SLC7A5: variants seen among roughly 807,000 people sequenced by gnomAD.
SLC7A5 encodes solute carrier family 7 member 5.
In SLC7A5, 23 loss-of-function variants were observed where a neutral mutation model predicts 50.2. That is an observed-to-expected ratio of 0.46 (90% confidence interval 0.33 to 0.65). SLC7A5 has a LOEUF of 0.65. Ranked by LOEUF, SLC7A5 falls within the 30% of genes least tolerant of loss-of-function variation. The pLI, the probability that SLC7A5 is intolerant of heterozygous loss-of-function variation, is 0.02. For synonymous variants in SLC7A5, 393 were observed against 330.6 expected (o/e 1.19, Z -2.05); for missense variants, 578 against 684.4 (o/e 0.84, Z 1.73).
intron 2 of SLC7A5, among the ~76,000 whole-genome samples, chr16:87,850,385 C>G (rs1438203050): frequency 6.6e-6 from 1 of 152,186 alleles, no homozygotes; most frequent in African/African-American, 2.4e-5. Context: ...GACCTTCCTG[C>G]CTCTAGGAGC....
chr16:87,867,463 G>T (rs192482845), intron 1 of SLC7A5, among the ~76,000 whole-genome samples: 2 of 152,104 alleles, frequency 1.3e-5, no homozygotes, highest in Non-Finnish European at 2.9e-5. Context: ...ATGGTGGTGC[G>T]GCTGCTCGAC....
chr16:87,857,826 T>G (rs2055340407), intron 1 of SLC7A5, among the ~76,000 whole-genome samples: 1 of 152,232 alleles, frequency 6.6e-6, no homozygotes, highest in African/African-American at 2.4e-5. Flanking sequence ...TTTTTTCCAT[T>G]TTTAACCGGG....
chr16:87,834,381 G>T, intron 9 of SLC7A5, 33 bp downstream of exon 9: 1 of 1,548,708 alleles, frequency 6.5e-7, no homozygotes. Context: ...AGGGCAGAGG[G>T]TACCACGGGC....
At chr16:87,851,907 T>G (rs960374805) in intron 1 of SLC7A5, 58 bp from the exon 2 acceptor site, 2 of 1,609,312 alleles carry the variant, frequency 1.2e-6, no homozygotes, top group African/African-American at 1.3e-5. Flanking sequence ...AGCTCAGGGG[T>G]AGGCTGGGAG....
In SLC7A5 at chr16:87,852,109, C is replaced by A. The variant is rs1043895022; in HGVS notation, c.539-260G>T. ...AAGATCTGCAAGGGACCTTTCCTCA[C>A]CCCCCACCACACCAGGCCATGGAGT... On this transcript the variant is annotated intron_variant, in intron 1 of 9. Coordinates refer to ENST00000261622, the MANE Select transcript of SLC7A5 (RefSeq NM_003486.7). This position sits in a 1 kb window ranked among gnomAD's most constrained non-coding sequence, Gnocchi z 4.5. 6.6e-6 allele frequency among the ~76,000 whole-genome samples: 1 copy of A among 152,164 alleles called. No individual in the cohort carries two copies. The highest frequency in any genetic ancestry group is 6.5e-5 in the Admixed American group (1 of 15,278).
At chr16:87,854,907 C>T (rs1277312656) in intron 1 of SLC7A5, among the ~76,000 whole-genome samples, 1 of 152,222 alleles carries the variant, frequency 6.6e-6, no homozygotes, top group Non-Finnish European at 1.5e-5. Context: ...TCACCTGTGT[C>T]TCCACCACCC....
intron 8 of SLC7A5, 94 bp from the exon 9 acceptor site, chr16:87,834,685 C>A (rs1224951977): frequency 7.6e-7 from 1 of 1,308,490 alleles, no homozygotes. Flanking sequence ...GCCCTCCACA[C>A]CCACGGCTGC....
At chr16:87,834,325 C>T in intron 9 of SLC7A5, 89 bp downstream of exon 9, 1 of 1,317,980 alleles carries the variant, frequency 7.6e-7, no homozygotes, top group Non-Finnish European at 1.1e-6. Flanking sequence ...CGCTTCGCCC[C>T]ATGTGGGTGG....
intron 2 of SLC7A5, among the ~76,000 whole-genome samples, chr16:87,844,346 G>A (rs74039970): frequency 0.041 from 6,261 of 152,228 alleles, 428 homozygotes; most frequent in African/African-American, 0.14. Context: ...GGGTAATTGC[G>A]GTGGGAACGA....
At chr16:87,864,779 C>G (rs538230649) in intron 1 of SLC7A5, among the ~76,000 whole-genome samples, 8 of 152,318 alleles carry the variant, frequency 5.3e-5, no homozygotes, top group East Asian at 1.9e-4. Flanking sequence ...CTAACAAAAG[C>G]TTGAGTCAAC....
intron 1 of SLC7A5, among the ~76,000 whole-genome samples, chr16:87,865,651 G>C (rs527989738): frequency 9.9e-5 from 15 of 152,248 alleles, no homozygotes; most frequent in Middle Eastern, 3.4e-3. Context: ...AGGTTGTAGT[G>C]AGCCAAGATC....
rs1308645829 is a variant in SLC7A5, at chr16:87,861,151, GC to G, written c.538+7733del. Reference sequence around the variant, plus strand: ...CCTGCAGACGGGCCAGGCAAGGCCTGCCCATGGCCAGCTATCCAGGTGATGC... The same window carrying G: ...CCTGCAGACGGGCCAGGCAAGGCCTGCCATGGCCAGCTATCCAGGTGATGC... On this transcript the variant is annotated intron_variant, in intron 1 of 9. Transcript: ENST00000261622. This position sits in a 1 kb window ranked among gnomAD's most constrained non-coding sequence, Gnocchi z 4.2. Among the ~76,000 whole-genome samples, 1 of 152,222 alleles carries G rather than the reference GC, an allele frequency of 6.6e-6. No individual in the cohort carries two copies. Among genetic ancestry groups the G allele is most frequent in the Non-Finnish European group, 1.5e-5 (1 of 68,026 alleles).
chr16:87,865,762 C>T (rs1270861766), intron 1 of SLC7A5, among the ~76,000 whole-genome samples: 2 of 152,106 alleles, frequency 1.3e-5, no homozygotes, highest in East Asian at 3.9e-4. Context: ...CCTATTACCA[C>T]AAAATAAATC....
At chr16:87,859,031 G>C (rs559052965) in intron 1 of SLC7A5, among the ~76,000 whole-genome samples, 1 of 152,220 alleles carries the variant, frequency 6.6e-6, no homozygotes, top group Non-Finnish European at 1.5e-5. Flanking sequence ...AGGGGCTCCT[G>C]CCCTGCCCTC....
chr16:87,862,914 C>T lies in SLC7A5; in HGVS notation c.538+5971G>A, dbSNP rs1369463340. On this transcript the variant is annotated intron_variant, in intron 1 of 9. Coordinates refer to ENST00000261622, the MANE Select transcript of SLC7A5 (RefSeq NM_003486.7). The surrounding 1 kb of genome is among the most constrained non-coding windows in gnomAD (Gnocchi z 5.3). Reference sequence around the variant, plus strand: ...ACAGCCATGGGGAGGAGAGCCACCTCACTCCAGGGACCCTGGCACCGTCTC... The same window carrying T: ...ACAGCCATGGGGAGGAGAGCCACCTTACTCCAGGGACCCTGGCACCGTCTC... Among the ~76,000 whole-genome samples, 1 of 152,232 alleles carries T rather than the reference C, an allele frequency of 6.6e-6. No homozygotes were observed. Among genetic ancestry groups the T allele is most frequent in the Non-Finnish European group, 1.5e-5 (1 of 68,044 alleles).
chr16:87,851,865 G>A lies in SLC7A5; in HGVS notation c.539-16C>T, dbSNP rs2055229323. 1.2e-6 allele frequency: 2 copies of A among 1,612,606 alleles called. No individual in the cohort carries two copies. The highest frequency in any genetic ancestry group is 8.5e-7 in the Non-Finnish European group (1 of 1,179,952). The stretch of plus-strand genomic sequence containing the variant: ...GTGAGCAGCACTGTGGAGACAGAGG[G>A]CAGCGGTGAGTTCCACGGGCAGACA... On this transcript the variant is annotated splice_polypyrimidine_tract_variant and intron_variant, in intron 1 of 9. Transcript: ENST00000261622.
chr16:87,868,103 G>C (rs1256604526), intron 1 of SLC7A5, among the ~76,000 whole-genome samples: 2 of 146,512 alleles, frequency 1.4e-5, no homozygotes, highest in African/African-American at 5.2e-5. Context: ...GCGACTGAGC[G>C]GGACTCAGTG....
At position 87,853,081 on chromosome 16, in the gene SLC7A5, G is replaced by A. The variant is rs1454727334; in HGVS notation, c.539-1232C>T. 2.0e-5 allele frequency among the ~76,000 whole-genome samples: 3 copies of A among 152,156 alleles called. No homozygotes were observed. The highest frequency in any genetic ancestry group is 6.5e-5 in the Admixed American group (1 of 15,288). ...CCACTAAGACTGCAGGAAGGTGAGA[G>A]CATCAGAAAGGCCGTGGGCTCCTCT... On this transcript the variant is annotated intron_variant, in intron 1 of 9. Coordinates refer to ENST00000261622, the MANE Select transcript of SLC7A5 (RefSeq NM_003486.7). The surrounding 1 kb of genome is among the most constrained non-coding windows in gnomAD (Gnocchi z 4.4).
chr16:87,850,067 G>C (rs2143777714), intron 2 of SLC7A5, among the ~76,000 whole-genome samples: 1 of 152,336 alleles, frequency 6.6e-6, no homozygotes, highest in South Asian at 2.1e-4. Flanking sequence ...CCCCCTGCAG[G>C]CCCAGGTTAC....
Sources: allele counts gnomAD v4.1 joint callset (sites outside exome capture counted in the v4.1 genomes callset), GRCh38; gene constraint gnomAD v4.1.1; non-coding constraint Gnocchi (gnomAD v3.1); transcripts MANE v1.5; gene names NCBI Gene and HGNC (gene_info 2026-07-23, HGNC 2026-07-21).